The following PPP2R3A variants were observed in gnomAD, a reference collection of about 807,000 sequenced individuals.
PPP2R3A encodes protein phosphatase 2 regulatory subunit B''alpha, also known as serine/threonine-protein phosphatase 2A regulatory subunit B'' subunit alpha.
Under a neutral mutation model 106.9 loss-of-function variants are expected in PPP2R3A, and 80 were observed. The observed-to-expected ratio is 0.75, with a 90% confidence interval of 0.62 to 0.90. The LOEUF is 0.90. PPP2R3A is among the 40% of genes least tolerant of loss of function. The pLI is 0.00. For synonymous variants in PPP2R3A, 483 were observed against 468.3 expected, an observed-to-expected ratio of 1.03 and a Z score of -0.41; for missense variants, 1,386 against 1,350.4, an observed-to-expected ratio of 1.03 and a Z score of -0.41.
At chr3:136,132,465 T>C (rs991913977) in intron 13 of PPP2R3A, among the ~76,000 whole-genome samples, 1 of 152,058 alleles carries the variant, frequency 6.6e-6, no homozygotes, top group African/African-American at 2.4e-5. Context: ...AGTATTTCTA[T>C]ATACTAGCAA....
At chr3:136,075,155 T>A (rs1936554880) in intron 6 of PPP2R3A, among the ~76,000 whole-genome samples, 1 of 152,236 alleles carries the variant, frequency 6.6e-6, no homozygotes, top group South Asian at 2.1e-4. Context: ...TAGAGATTTC[T>A]AATTCAATAG....
At chr3:136,015,549 G>A (rs1934239314) in intron 2 of PPP2R3A, among the ~76,000 whole-genome samples, 1 of 151,968 alleles carries the variant, frequency 6.6e-6, no homozygotes, top group African/African-American at 2.4e-5. Flanking sequence ...TAGGAGGGTT[G>A]TATATTTCCA....
At chr3:136,042,238 A>G (rs769581951) in intron 4 of PPP2R3A, among the ~76,000 whole-genome samples, 15 of 152,164 alleles carry the variant, frequency 9.9e-5, no homozygotes, top group Non-Finnish European at 1.9e-4. Context: ...TCACATTAGA[A>G]CTAAAGAGTC....
chr3:136,124,378 G>A (rs1018303109), intron 13 of PPP2R3A, among the ~76,000 whole-genome samples: 7 of 152,088 alleles, frequency 4.6e-5, no homozygotes, highest in South Asian at 2.1e-4. Context: ...AGCTGCCTGA[G>A]AGGCTGAAGC....
At chr3:136,059,472 AAAGAT>A (rs1307916923) in intron 5 of PPP2R3A, among the ~76,000 whole-genome samples, 1 of 152,156 alleles carries the variant, frequency 6.6e-6, no homozygotes, top group African/African-American at 2.4e-5. Context: ...TAAAAAGTCA[AAAGAT>A]AAGATACCGG....
At chr3:136,118,966 A>G (rs1294991426) in intron 13 of PPP2R3A, among the ~76,000 whole-genome samples, 1 of 152,212 alleles carries the variant, frequency 6.6e-6, no homozygotes, top group Non-Finnish European at 1.5e-5. Flanking sequence ...CCTGACTTCA[A>G]ACTATACTAC....
intron 13 of PPP2R3A, among the ~76,000 whole-genome samples, chr3:136,123,939 T>C (rs963007403): frequency 3.9e-5 from 6 of 152,186 alleles, no homozygotes; most frequent in African/African-American, 1.4e-4. Context: ...AAAATATATA[T>C]ACACTGTTTC....
chr3:136,023,332 AAGGAATTAATGTGTGTCCTCTATTC>A, intron 2 of PPP2R3A: 2 of 767,480 alleles, frequency 2.6e-6, no homozygotes, highest in Non-Finnish European at 4.1e-6. Context: ...ATATTAGATC[AAGGAATTAATGTGTGTCCTCTATTC>A]AGCTATTTGC....
intron 2 of PPP2R3A, among the ~76,000 whole-genome samples, chr3:136,019,241 T>C (rs1422084268): frequency 6.6e-6 from 1 of 152,218 alleles, no homozygotes; most frequent in Non-Finnish European, 1.5e-5. Flanking sequence ...GGAGAAAATA[T>C]TTTTTAGTTT....
intron 5 of PPP2R3A, among the ~76,000 whole-genome samples, chr3:136,058,454 T>C (rs1460989454): frequency 1.3e-5 from 2 of 151,956 alleles, no homozygotes; most frequent in Admixed American, 6.6e-5. Context: ...AATAGCTAAC[T>C]AGGGAGGTGA....
chr3:136,088,871 G>A (rs1937024092), intron 9 of PPP2R3A, among the ~76,000 whole-genome samples: 1 of 152,092 alleles, frequency 6.6e-6, no homozygotes, highest in Admixed American at 6.6e-5. Context: ...CATGTTTGTT[G>A]GCTGCCTGTA....
At chr3:136,035,755 A>T (rs1211624784) in intron 3 of PPP2R3A, among the ~76,000 whole-genome samples, 1 of 152,154 alleles carries the variant, frequency 6.6e-6, no homozygotes, top group African/African-American at 2.4e-5. Context: ...TGCTTCTTGT[A>T]TTTGGATGTC....
intron 3 of PPP2R3A, among the ~76,000 whole-genome samples, chr3:136,032,730 T>C (rs1934942855): frequency 6.6e-6 from 1 of 152,074 alleles, no homozygotes; most frequent in African/African-American, 2.4e-5. Flanking sequence ...GAGACGGGGT[T>C]TCACCATGTT....
intron 1 of PPP2R3A, among the ~76,000 whole-genome samples, chr3:135,987,500 C>A (rs1346342690): frequency 6.6e-6 from 1 of 152,052 alleles, no homozygotes; most frequent in Non-Finnish European, 1.5e-5. Context: ...GGACAGTAAC[C>A]CATTGCTCTG....
At chr3:135,966,380 G>A (rs1040110882) in intron 1 of PPP2R3A, among the ~76,000 whole-genome samples, 1 of 152,184 alleles carries the variant, frequency 6.6e-6, no homozygotes, top group African/African-American at 2.4e-5. Context: ...GGCCGCGGAC[G>A]GGATTCCCGG....
chr3:136,056,809 A>G (rs1000619686), intron 5 of PPP2R3A, among the ~76,000 whole-genome samples: 1 of 152,174 alleles, frequency 6.6e-6, no homozygotes, highest in African/African-American at 2.4e-5. Context: ...ATGGTAGAAA[A>G]TATTTGCAAA....
intron 1 of PPP2R3A, among the ~76,000 whole-genome samples, chr3:135,977,799 A>G (rs1055567465): frequency 2.0e-5 from 3 of 147,372 alleles, no homozygotes; most frequent in African/African-American, 7.5e-5. Context: ...TCCCGGGCTC[A>G]AGCGATTCTC....
At chr3:136,042,106 A>G (rs1417263477) in intron 4 of PPP2R3A, among the ~76,000 whole-genome samples, 3 of 152,220 alleles carry the variant, frequency 2.0e-5, no homozygotes, top group Non-Finnish European at 2.9e-5. Flanking sequence ...GATTCTTTCT[A>G]ATTTCTTCAT....
At chr3:136,034,639 T>C (rs1935023959) in intron 3 of PPP2R3A, among the ~76,000 whole-genome samples, 1 of 152,228 alleles carries the variant, frequency 6.6e-6, no homozygotes, top group Non-Finnish European at 1.5e-5. Context: ...TTTTGTGGCC[T>C]CTTCTATGGT....
Sources: allele counts gnomAD v4.1 joint callset (sites outside exome capture counted in the v4.1 genomes callset), GRCh38; gene constraint gnomAD v4.1.1; transcripts MANE v1.5; gene names NCBI Gene and HGNC (gene_info 2026-07-23, HGNC 2026-07-21).